Variants in GNAI1 observed in about 807,000 individuals in gnomAD.
The protein encoded by GNAI1 is guanine nucleotide-binding protein G(i) subunit alpha-1.
GNAI1 carries 11 observed loss-of-function variants against 38.9 expected under a neutral mutation model. The observed-to-expected ratio is 0.28, with a 90% CI of 0.18 to 0.47. GNAI1 has a LOEUF of 0.47. Among genes scored for constraint, GNAI1 ranks in the 20% least tolerant of loss-of-function variants. The probability of loss-of-function intolerance (pLI) is 0.99; values close to 1 mark genes in which losing one functional copy is unlikely to be tolerated. For synonymous variants in GNAI1, 166 were observed against 145.1 expected, an observed-to-expected ratio of 1.14 and a Z score of -1.04; for missense variants, 317 against 436.9, an observed-to-expected ratio of 0.73 and a Z score of 2.45.
At chr7:80,202,239 C>T (rs1226554295) in intron 4 of GNAI1, among the ~76,000 whole-genome samples, 2 of 151,894 alleles carry the variant, frequency 1.3e-5, no homozygotes, top group Admixed American at 1.3e-4. Flanking sequence ...ACAGGCACGC[C>T]TCACCACGTC....
intron 3 of GNAI1, among the ~76,000 whole-genome samples, chr7:80,193,082 T>C (rs546665186): frequency 1.5e-4 from 23 of 152,244 alleles, no homozygotes; most frequent in African/African-American, 4.8e-4. Flanking sequence ...TTTTAATTTC[T>C]ATGGCTTCAT....
At chr7:80,149,176 ATT>A (rs1787682174) in intron 1 of GNAI1, among the ~76,000 whole-genome samples, 2 of 152,056 alleles carry the variant, frequency 1.3e-5, no homozygotes, top group South Asian at 4.1e-4. Context: ...TGGCTTAAAT[ATT>A]TACTTATTAA....
chr7:80,181,967 T>C (rs756574962), intron 1 of GNAI1, among the ~76,000 whole-genome samples: 5 of 152,180 alleles, frequency 3.3e-5, no homozygotes, highest in Non-Finnish European at 7.3e-5. Flanking sequence ...TGATGTACAG[T>C]GGATCTCTAC....
At chr7:80,205,951 T>G (rs1788767361) in intron 5 of GNAI1, among the ~76,000 whole-genome samples, 1 of 151,830 alleles carries the variant, frequency 6.6e-6, no homozygotes, top group African/African-American at 2.4e-5. Context: ...GAAATGGTCG[T>G]GATGATAAAG....
intron 4 of GNAI1, among the ~76,000 whole-genome samples, chr7:80,200,085 G>A (rs1344156720): frequency 6.6e-6 from 1 of 151,758 alleles, no homozygotes; most frequent in African/African-American, 2.4e-5. Flanking sequence ...GGAGGCTAAG[G>A]TGGGCAGATC....
chr7:80,147,159 G>T (rs1019342247), intron 1 of GNAI1, among the ~76,000 whole-genome samples: 1 of 152,020 alleles, frequency 6.6e-6, no homozygotes, highest in Non-Finnish European at 1.5e-5. Flanking sequence ...ATGTTTTTCT[G>T]ACTGTTTTCC....
chr7:80,217,215 C>A (rs1788986919), intron 7 of GNAI1, 88 bp from the exon 8 acceptor site: 2 of 837,302 alleles, frequency 2.4e-6, no homozygotes, highest in Non-Finnish European at 1.8e-6. Flanking sequence ...AAACTGACTT[C>A]AGTTTCATAT....
chr7:80,139,908 AATTTTTTTTT>A (rs1334329909), intron 1 of GNAI1, among the ~76,000 whole-genome samples: 2 of 61,656 alleles, frequency 3.2e-5, no homozygotes, highest in Non-Finnish European at 7.4e-5. Context: ...TTTGCCCTGC[AATTTTTTTTT>A]TTTTTTTTTT....
chr7:80,139,751 T>C (rs1347635787), intron 1 of GNAI1, among the ~76,000 whole-genome samples: 1 of 152,154 alleles, frequency 6.6e-6, no homozygotes, highest in African/African-American at 2.4e-5. Flanking sequence ...AGTGAACACA[T>C]GGCATCTAAA....
chr7:80,196,932 C>A (rs1273080072), intron 3 of GNAI1, among the ~76,000 whole-genome samples: 1 of 151,876 alleles, frequency 6.6e-6, no homozygotes, highest in African/African-American at 2.4e-5. Context: ...ACTAGAAGAG[C>A]AGTTAAAACC....
In GNAI1 at chr7:80,135,061, G is replaced by T; in HGVS notation, c.-100G>T. ...GGGGGCGGCGTGGCCCCCGTCGGGA[G>T]GCGTTCGAACGCCCGCTAGGAGAGA... On this transcript the variant is annotated 5_prime_UTR_variant, in exon 1 of 8. The change creates a new upstream start codon in the 5' untranslated region. Transcript: ENST00000649796. The T allele has an allele frequency of 1.5e-6, 1 of 678,384 alleles. No homozygotes were observed. The highest frequency in any genetic ancestry group is 4.5e-5 in the South Asian group (1 of 22,200). 42.0% of individuals were successfully genotyped at this position (678,384 alleles called of 1,614,324 possible).
chr7:80,192,927 G>A (rs190269436), intron 3 of GNAI1, among the ~76,000 whole-genome samples: 185 of 152,072 alleles, frequency 1.2e-3, no homozygotes, highest in Non-Finnish European at 2.3e-3. Flanking sequence ...TCGATCTCCT[G>A]ACCTCAGGCG....
intron 1 of GNAI1, among the ~76,000 whole-genome samples, chr7:80,138,595 A>AT (rs1233396600): frequency 3.3e-5 from 5 of 152,208 alleles, no homozygotes; most frequent in Non-Finnish European, 7.3e-5. Context: ...GGGCAGTAAG[A>AT]TTAAGCTTAT....
In GNAI1 at chr7:80,224,753, G is replaced by A. The variant is rs1789132051; in HGVS notation, c.*7260G>A. On this transcript the variant is annotated 3_prime_UTR_variant, in exon 8 of 8. Transcript: ENST00000649796. The stretch of plus-strand genomic sequence containing the variant: ...GGTGTGAATGCAGAGCACTTAAAAC[G>A]TAGCTAGTCCAAAGTGAGTTGGCCT... Among the ~76,000 whole-genome samples, 1 of 152,212 alleles carries A rather than the reference G, an allele frequency of 6.6e-6. No individual in the cohort carries two copies. The highest frequency in any genetic ancestry group is 2.4e-5 in the African/African-American group (1 of 41,464).
intron 1 of GNAI1, among the ~76,000 whole-genome samples, chr7:80,188,168 C>T (rs751192761): frequency 8.5e-5 from 13 of 152,136 alleles, no homozygotes; most frequent in Non-Finnish European, 1.5e-4. Flanking sequence ...TAATGGTGAT[C>T]GAACACATAT....
intron 7 of GNAI1, 50 bp from the exon 8 acceptor site, chr7:80,217,253 C>G: frequency 1.2e-5 from 6 of 490,000 alleles, no homozygotes; most frequent in East Asian, 9.8e-5. Flanking sequence ...GTATTTTAAG[C>G]AGTTATTTTA....
At chr7:80,141,874 A>C (rs922037473) in intron 1 of GNAI1, among the ~76,000 whole-genome samples, 6 of 152,174 alleles carry the variant, frequency 3.9e-5, no homozygotes, top group African/African-American at 1.4e-4. Context: ...TAATTCAGCT[A>C]AGCTTTCTGC....
intron 7 of GNAI1, among the ~76,000 whole-genome samples, chr7:80,213,497 C>G (rs1052593673): frequency 4.6e-5 from 7 of 152,148 alleles, no homozygotes; most frequent in African/African-American, 1.7e-4. Flanking sequence ...GCAGTTAGTT[C>G]ACCTAGGTCT....
intron 3 of GNAI1, 36 bp from the exon 4 acceptor site, chr7:80,199,189 C>A (rs1470947010): frequency 1.3e-5 from 20 of 1,483,230 alleles, no homozygotes; most frequent in African/African-American, 9.7e-5. Context: ...TCTGACGTAT[C>A]CCTTTTTACT....
Sources: gnomAD v4.1 joint callset for allele counts (sites outside exome capture counted in the v4.1 genomes callset) on GRCh38, gnomAD v4.1.1 for gene constraint, MANE v1.5 for transcripts, NCBI Gene and HGNC (gene_info 2026-07-23, HGNC 2026-07-21) for gene names.